ARHGEF12: variants seen among roughly 807,000 people sequenced by gnomAD.
ARHGEF12 encodes Rho guanine nucleotide exchange factor 12, also known as KMT2A/ARHGEF12 fusion protein.
A neutral mutation model predicts 211.2 loss-of-function variants in ARHGEF12; 66 were observed. The ratio of observed to expected loss-of-function variants is 0.31; its 90% CI spans 0.26 to 0.38. The LOEUF is 0.38. Ranked by LOEUF, ARHGEF12 falls within the 10% of genes least tolerant of loss-of-function variation. The probability of loss-of-function intolerance (pLI) is 1.00; values close to 1 mark genes in which losing one functional copy is unlikely to be tolerated. For missense variants in ARHGEF12, 1,429 were observed against 1,869.5 expected, an observed-to-expected ratio of 0.76 and a Z score of 4.34; for synonymous variants, 592 against 638.4, an observed-to-expected ratio of 0.93 and a Z score of 1.09.
At chr11:120,438,229 C>G (rs1945753192) in intron 12 of ARHGEF12, among the ~76,000 whole-genome samples, 1 of 152,160 alleles carries the variant, frequency 6.6e-6, no homozygotes, top group Non-Finnish European at 1.5e-5. Flanking sequence ...GACATCAAAT[C>G]AGTTATAAAA....
At chr11:120,386,894 G>T (rs913250835) in intron 1 of ARHGEF12, among the ~76,000 whole-genome samples, 1 of 152,102 alleles carries the variant, frequency 6.6e-6, no homozygotes, top group East Asian at 1.9e-4. Context: ...ATGAAGTGAT[G>T]AAGCCTGGGT....
At chr11:120,406,534 GTCTTAATTACT>G (rs1217762777) in intron 2 of ARHGEF12, among the ~76,000 whole-genome samples, 2 of 151,838 alleles carry the variant, frequency 1.3e-5, no homozygotes, top group Non-Finnish European at 2.9e-5. Context: ...TACTAGTTTA[GTCTTAATTACT>G]TTATTTTTTA....
At chr11:120,406,715 C>T (rs566495152) in intron 2 of ARHGEF12, among the ~76,000 whole-genome samples, 10 of 152,086 alleles carry the variant, frequency 6.6e-5, no homozygotes, top group Admixed American at 2.0e-4. Flanking sequence ...CCCGCCACCA[C>T]GCCTGGCTAA....
At chr11:120,484,075 A>G (rs896171530) in intron 39 of ARHGEF12, among the ~76,000 whole-genome samples, 5 of 152,170 alleles carry the variant, frequency 3.3e-5, no homozygotes, top group Non-Finnish European at 7.4e-5. Context: ...TTAAGGGACC[A>G]TCATCATGTA....
chr11:120,349,901 T>C (rs1019726647), intron 1 of ARHGEF12, among the ~76,000 whole-genome samples: 2 of 152,228 alleles, frequency 1.3e-5, no homozygotes, highest in Non-Finnish European at 2.9e-5. Context: ...TTTCAGGCTA[T>C]TGTTAGAATT....
chr11:120,337,516 C>T (rs1942388443), intron 1 of ARHGEF12: 2 of 985,230 alleles, frequency 2.0e-6, no homozygotes, highest in African/African-American at 3.5e-5. Context: ...GAGGCAAAAC[C>T]ATGATTGTGG....
chr11:120,343,172 T>A (rs190600258), intron 1 of ARHGEF12, among the ~76,000 whole-genome samples: 1 of 152,346 alleles, frequency 6.6e-6, no homozygotes, highest in Non-Finnish European at 1.5e-5. Context: ...AAAGTGCATA[T>A]TTAGATTATT....
chr11:120,358,118 A>G (rs577712573), intron 1 of ARHGEF12, among the ~76,000 whole-genome samples: 1 of 152,254 alleles, frequency 6.6e-6, no homozygotes, highest in East Asian at 1.9e-4. Flanking sequence ...GTTATGTTAT[A>G]AAAGATTCTT....
At chr11:120,447,956 T>C (rs889345633) in intron 19 of ARHGEF12, 50 bp downstream of exon 19, 3 of 1,399,006 alleles carry the variant, frequency 2.1e-6, no homozygotes, top group Admixed American at 2.4e-5. Context: ...AAAAGAACTA[T>C]GTTTTTTTCC....
intron 1 of ARHGEF12, among the ~76,000 whole-genome samples, chr11:120,352,880 C>T (rs1345934353): frequency 6.6e-6 from 1 of 152,226 alleles, no homozygotes; most frequent in African/African-American, 2.4e-5. Flanking sequence ...ATAGCCCACA[C>T]ACATCTGGGA....
chr11:120,445,361 C>T (rs1182796512), intron 15 of ARHGEF12, 61 bp from the exon 16 acceptor site: 10 of 1,553,524 alleles, frequency 6.4e-6, no homozygotes, highest in Non-Finnish European at 8.0e-6. Flanking sequence ...TACAGAAGTA[C>T]TTATGTACAT....
intron 9 of ARHGEF12, 33 bp from the exon 10 acceptor site, chr11:120,429,679 A>C: frequency 6.3e-7 from 1 of 1,593,734 alleles, no homozygotes; most frequent in Non-Finnish European, 8.5e-7. Context: ...TACATAAGTA[A>C]TTAATTCTGA....
In ARHGEF12 at chr11:120,451,509, C is replaced by G; in HGVS notation, c.1844-3C>G. 6.2e-7 allele frequency: 1 copy of G among 1,613,762 alleles called. No homozygotes were observed. The highest frequency in any genetic ancestry group is 8.5e-7 in the Non-Finnish European group (1 of 1,179,886). On this transcript the variant is annotated splice_polypyrimidine_tract_variant and splice_region_variant and intron_variant, in intron 21 of 40. Coordinates refer to ENST00000397843, the MANE Select transcript of ARHGEF12 (RefSeq NM_015313.3). ...AGATTATTAACCATCATTTTCTGAT[C>G]AGTTGGCAGAGCCATGGAACTACAG...
At chr11:120,351,429 ATATATATATATATATATATATATATATTT>A (rs1446148323) in intron 1 of ARHGEF12, among the ~76,000 whole-genome samples, 211 of 3,956 alleles carry the variant, frequency 0.053, 12 homozygotes, top group African/African-American at 0.14. Flanking sequence ...ATATATATAT[ATATATATATATATATATATATATATATTT>A]TTTTTTTTTT....
intron 1 of ARHGEF12, among the ~76,000 whole-genome samples, chr11:120,340,750 C>G (rs938497006): frequency 2.0e-5 from 3 of 152,168 alleles, no homozygotes; most frequent in African/African-American, 7.2e-5. Context: ...CCAAAGATCA[C>G]AGTGTTAGTT....
rs1947402433 is a variant in ARHGEF12, at chr11:120,486,514, CCT to C, written c.*1438_*1439del. 1.7e-5 allele frequency: 4 copies of C among 229,492 alleles called. No homozygotes were observed. Among genetic ancestry groups the C allele is most frequent in the South Asian group, 3.6e-4 (2 of 5,494 alleles). 14.2% of individuals were successfully genotyped at this position (229,492 alleles called of 1,614,324 possible). On this transcript the variant is annotated 3_prime_UTR_variant, in exon 41 of 41. Coordinates refer to ENST00000397843, the MANE Select transcript of ARHGEF12 (RefSeq NM_015313.3). ...GTTTCAGAATTGTAATTTGAGAACTCCTTCAATTATATTGACTTTCTTTGGTT... is the reference window on the plus strand; with the variant it reads ...GTTTCAGAATTGTAATTTGAGAACTCTCAATTATATTGACTTTCTTTGGTT...
At chr11:120,390,295 A>G (rs1473940395) in intron 1 of ARHGEF12, among the ~76,000 whole-genome samples, 1 of 152,216 alleles carries the variant, frequency 6.6e-6, no homozygotes, top group African/African-American at 2.4e-5. Flanking sequence ...GTTTGAGATC[A>G]TAATCATTTC....
chr11:120,395,767 C>G (rs117017170), intron 1 of ARHGEF12, among the ~76,000 whole-genome samples: 3 of 152,184 alleles, frequency 2.0e-5, no homozygotes, highest in South Asian at 4.2e-4. Context: ...AAGACCCCCC[C>G]CCTTCATGAT....
At chr11:120,465,213 G>T (rs779043967) in intron 27 of ARHGEF12, 24 bp from the exon 28 acceptor site, 15 of 1,613,348 alleles carry the variant, frequency 9.3e-6, no homozygotes, top group Middle Eastern at 1.7e-4. Flanking sequence ...ATTCTCTTTT[G>T]TGTTCTTTGC....
Sources: gnomAD v4.1 joint callset for allele counts (sites outside exome capture counted in the v4.1 genomes callset) on GRCh38, gnomAD v4.1.1 for gene constraint, MANE v1.5 for transcripts, NCBI Gene and HGNC (gene_info 2026-07-23, HGNC 2026-07-21) for gene names.